The following SLC24A3 variants were observed in gnomAD, a reference collection of about 807,000 sequenced individuals.
SLC24A3 encodes solute carrier family 24 member 3.
In SLC24A3, 28 loss-of-function variants were observed where a neutral mutation model predicts 75.8. The observed-to-expected ratio is 0.37, with a 90% CI of 0.27 to 0.51. The LOEUF (loss-of-function observed/expected upper bound fraction) is 0.51. SLC24A3 is among the 20% of genes least tolerant of loss of function. The probability of loss-of-function intolerance (pLI) is 0.94; values close to 1 mark genes in which losing one functional copy is unlikely to be tolerated. For synonymous variants in SLC24A3, 372 were observed against 334.1 expected, an observed-to-expected ratio of 1.11 and a Z score of -1.24; for missense variants, 663 against 847.8, an observed-to-expected ratio of 0.78 and a Z score of 2.71.
At chr20:19,363,943 A>C (rs1985839659) in intron 2 of SLC24A3, among the ~76,000 whole-genome samples, 1 of 152,104 alleles carries the variant, frequency 6.6e-6, no homozygotes. Flanking sequence ...AGACTTGGTC[A>C]GGCAGGTGGG....
chr20:19,433,571 C>T (rs900180286), intron 2 of SLC24A3, among the ~76,000 whole-genome samples: 4 of 152,182 alleles, frequency 2.6e-5, no homozygotes, highest in African/African-American at 7.2e-5. Context: ...CAAAATTCTT[C>T]TGCTGCCTTG....
At chr20:19,355,071 T>C (rs914241684) in intron 2 of SLC24A3, 2 of 152,222 alleles carry the variant, frequency 1.3e-5, no homozygotes, top group African/African-American at 2.4e-5. Context: ...TTGGCTTCCT[T>C]ATGACCCCTT....
intron 3 of SLC24A3, among the ~76,000 whole-genome samples, chr20:19,568,049 A>C (rs1184291118): frequency 6.6e-6 from 1 of 152,220 alleles, no homozygotes; most frequent in Non-Finnish European, 1.5e-5. Flanking sequence ...CAAAATCAGT[A>C]ATCATTAGGA....
chr20:19,433,449 C>T (rs1162710187), intron 2 of SLC24A3, among the ~76,000 whole-genome samples: 1 of 152,160 alleles, frequency 6.6e-6, no homozygotes, highest in Non-Finnish European at 1.5e-5. Context: ...TAAGTTTTCT[C>T]CAAGATGCAG....
intron 6 of SLC24A3, among the ~76,000 whole-genome samples, chr20:19,604,993 T>A (rs868696525): frequency 2.0e-4 from 31 of 152,308 alleles, no homozygotes; most frequent in Middle Eastern, 6.8e-3. Flanking sequence ...GCTTTAGCAT[T>A]TGCCACCCTC....
intron 2 of SLC24A3, among the ~76,000 whole-genome samples, chr20:19,369,838 A>G (rs1016830268): frequency 1.3e-5 from 2 of 151,646 alleles, no homozygotes; most frequent in Non-Finnish European, 1.5e-5. Flanking sequence ...TCTTTTTAAA[A>G]TTTTTTTTTG....
At chr20:19,660,429 G>T (rs532062147) in intron 7 of SLC24A3, among the ~76,000 whole-genome samples, 34 of 152,124 alleles carry the variant, frequency 2.2e-4, no homozygotes, top group African/African-American at 8.0e-4. Context: ...TAGAATAATG[G>T]CCTCCAGGTC....
chr20:19,711,131 A>AG (rs557659878), intron 15 of SLC24A3, among the ~76,000 whole-genome samples: 1 of 81,118 alleles, frequency 1.2e-5, no homozygotes, highest in Non-Finnish European at 2.5e-5. Flanking sequence ...ACATGCAGGC[A>AG]AACACACACA....
chr20:19,698,863 T>C (rs1222473993), intron 15 of SLC24A3, among the ~76,000 whole-genome samples, 183 bp downstream of exon 15: 2 of 152,170 alleles, frequency 1.3e-5, no homozygotes, highest in Admixed American at 6.5e-5. Flanking sequence ...TTCAGGACTT[T>C]AGAGCAGGGG....
At chr20:19,241,357 G>A (rs1982322099) in intron 1 of SLC24A3, among the ~76,000 whole-genome samples, 1 of 152,170 alleles carries the variant, frequency 6.6e-6, no homozygotes, top group African/African-American at 2.4e-5. Context: ...CGGGGCTTGG[G>A]AGTGCCCCAT....
intron 2 of SLC24A3, among the ~76,000 whole-genome samples, chr20:19,414,888 G>A (rs141573102): frequency 1.3e-5 from 2 of 152,096 alleles, no homozygotes; most frequent in East Asian, 3.9e-4. Context: ...AAAACCTAAG[G>A]CCAATTATAA....
In SLC24A3 at chr20:19,330,506, A is replaced by G. The variant is rs183116227; in HGVS notation, c.271+49419A>G. Among the ~76,000 whole-genome samples the G allele has an allele frequency of 2.0e-5, 3 of 152,330 alleles. No individual in the cohort carries two copies. The East Asian group carries it at 5.8e-4, about 29-fold the overall frequency. On this transcript the variant is annotated intron_variant, in intron 2 of 16. Coordinates refer to ENST00000328041, the MANE Select transcript of SLC24A3 (RefSeq NM_020689.4). ...CTGGCCAAATATGGTATATTTCAGG[A>G]GAGGAGATAAAATATAAATCTTGGG...
intron 15 of SLC24A3, among the ~76,000 whole-genome samples, chr20:19,709,412 G>A (rs1373197938): frequency 1.3e-5 from 2 of 152,016 alleles, no homozygotes; most frequent in African/African-American, 4.8e-5. Flanking sequence ...GTTCATTCAG[G>A]ACTCTTACAA....
At chr20:19,490,806 C>T (rs1242357584) in intron 2 of SLC24A3, among the ~76,000 whole-genome samples, 2 of 152,154 alleles carry the variant, frequency 1.3e-5, no homozygotes, top group Non-Finnish European at 2.9e-5. Flanking sequence ...TATCTCCCAT[C>T]CTTGCTCTTT....
intron 2 of SLC24A3, among the ~76,000 whole-genome samples, chr20:19,283,674 G>A (rs1983724863): frequency 6.6e-6 from 1 of 152,204 alleles, no homozygotes; most frequent in African/African-American, 2.4e-5. Flanking sequence ...CTGACCTGAA[G>A]CTGTGGACTT....
At chr20:19,267,281 A>G (rs548248349) in intron 1 of SLC24A3, among the ~76,000 whole-genome samples, 1 of 152,284 alleles carries the variant, frequency 6.6e-6, no homozygotes, top group African/African-American at 2.4e-5. Flanking sequence ...TTGAAGTTTA[A>G]TGGCTGTCCT....
intron 1 of SLC24A3, among the ~76,000 whole-genome samples, chr20:19,245,342 A>G (rs1267340079): frequency 2.0e-5 from 3 of 152,210 alleles, no homozygotes; most frequent in Non-Finnish European, 4.4e-5. Context: ...TGAACTCTAA[A>G]TAACTTCAAA....
chr20:19,677,896 G>T (rs1241715059), intron 9 of SLC24A3, among the ~76,000 whole-genome samples: 1 of 151,572 alleles, frequency 6.6e-6, no homozygotes, highest in Non-Finnish European at 1.5e-5. Flanking sequence ...AGATTAGGGA[G>T]TGGTGATGAC....
rs182382269 is a variant in SLC24A3 at position 19,536,752 on chromosome 20, C to T, written c.348+21188C>T. ...CTACAACTATCTGATCTTTGACAAA[C>T]CTGACAAAAACAGGCAATGGGGAAA... On this transcript the variant is annotated intron_variant, in intron 3 of 16. Transcript: ENST00000328041. Among the ~76,000 whole-genome samples, 910 of 152,236 alleles carry T rather than the reference C, an allele frequency of 6.0e-3. 6 individuals carry two copies. Among genetic ancestry groups the T allele is most frequent in the Middle Eastern group, 0.027 (8 of 294 alleles).
Sources: gnomAD v4.1 joint callset for allele counts (sites outside exome capture counted in the v4.1 genomes callset) on GRCh38, gnomAD v4.1.1 for gene constraint, MANE v1.5 for transcripts, NCBI Gene and HGNC (gene_info 2026-07-23, HGNC 2026-07-21) for gene names.